Variants in PPP2R5C observed in about 807,000 individuals in gnomAD.
PPP2R5C encodes protein phosphatase 2 regulatory subunit B'gamma.
Under a neutral mutation model 68.9 loss-of-function variants are expected in PPP2R5C, and 7 were observed. That is an observed-to-expected ratio of 0.10 (90% CI 0.06 to 0.19). The LOEUF is 0.19. Ranked by LOEUF, PPP2R5C falls within the 10% of genes least tolerant of loss-of-function variation. The probability of loss-of-function intolerance (pLI) is 1.00; values close to 1 mark genes in which losing one functional copy is unlikely to be tolerated. For synonymous variants in PPP2R5C, 210 were observed against 222.2 expected (o/e 0.95, Z 0.49); for missense variants, 348 against 641.3 (o/e 0.54, Z 4.94).
intron 13 of PPP2R5C, chr14:101,921,862 A>T: frequency 1.7e-6 from 1 of 579,102 alleles, no homozygotes; most frequent in Non-Finnish European, 2.2e-6. Context: ...TCCTTTATTT[A>T]CATTTCCTTC....
chr14:101,780,958 G>A (rs552372034), intron 2 of PPP2R5C, among the ~76,000 whole-genome samples: 1 of 152,244 alleles, frequency 6.6e-6, no homozygotes, highest in South Asian at 2.1e-4. Context: ...GATTTCAGGC[G>A]CTCACCCCAC....
chr14:101,819,254 G>T (rs2039902618), intron 1 of PPP2R5C: 2 of 614,130 alleles, frequency 3.3e-6, no homozygotes, highest in Non-Finnish European at 2.8e-6. Context: ...GAACTCTGAA[G>T]CCTTTGCATG....
chr14:101,851,849 G>A (rs1274716740), intron 1 of PPP2R5C, among the ~76,000 whole-genome samples: 1 of 151,768 alleles, frequency 6.6e-6, no homozygotes, highest in Non-Finnish European at 1.5e-5. Flanking sequence ...CAGTTTACAT[G>A]ATGCCTCTTG....
At chr14:101,924,401 T>C (rs1332898748) in intron 13 of PPP2R5C, among the ~76,000 whole-genome samples, 3 of 150,358 alleles carry the variant, frequency 2.0e-5, no homozygotes, top group African/African-American at 7.4e-5. Context: ...TTAAATATGT[T>C]TTTTATTCAT....
chr14:101,774,372 C>T (rs1276797232), intron 2 of PPP2R5C, among the ~76,000 whole-genome samples: 1 of 152,148 alleles, frequency 6.6e-6, no homozygotes, highest in Non-Finnish European at 1.5e-5. Flanking sequence ...TTTTTCTTGT[C>T]ATAACCACTC....
chr14:101,900,345 G>T (rs1373489322), intron 8 of PPP2R5C, among the ~76,000 whole-genome samples: 1 of 152,194 alleles, frequency 6.6e-6, no homozygotes, highest in Non-Finnish European at 1.5e-5. Flanking sequence ...TAAAAGGCTG[G>T]CCTGCTAAGC....
At chr14:101,889,958 G>T (rs1330286806) in intron 5 of PPP2R5C, 1 of 547,118 alleles carries the variant, frequency 1.8e-6, no homozygotes, top group South Asian at 1.5e-5. Context: ...GGTGTTCACT[G>T]TAGAATTCTT....
intron 2 of PPP2R5C, among the ~76,000 whole-genome samples, chr14:101,770,581 G>A (rs1382214921): frequency 2.0e-5 from 3 of 152,206 alleles, no homozygotes; most frequent in Non-Finnish European, 4.4e-5. Context: ...GTTCCAGAAA[G>A]CACATTGGAC....
exon 3 of PPP2R5C, chr14:101,786,083 A>T (rs1248804333): frequency 1.3e-6 from 2 of 1,561,774 alleles, no homozygotes; most frequent in East Asian, 4.7e-5. Flanking sequence ...AAATAAAAGT[A>T]CCAGTCTCTC....
intron 1 of PPP2R5C, chr14:101,823,743 C>G (rs2040227989): frequency 2.9e-6 from 3 of 1,039,678 alleles, no homozygotes; most frequent in Non-Finnish European, 3.5e-6. Context: ...TTTTCTGACT[C>G]ACGGTTCTGG....
chr14:101,918,430 CCCCG>C (rs2046809976), intron 13 of PPP2R5C, among the ~76,000 whole-genome samples: 1 of 95,338 alleles, frequency 1.0e-5, no homozygotes, highest in Non-Finnish European at 2.1e-5. Flanking sequence ...ACCCCCCTCG[CCCCG>C]TCCCCTTCCC....
At chr14:101,794,202 TC>T (rs1280055115) in intron 3 of PPP2R5C, among the ~76,000 whole-genome samples, 2 of 152,228 alleles carry the variant, frequency 1.3e-5, no homozygotes, top group Non-Finnish European at 2.9e-5. Flanking sequence ...TGCTTCCTGT[TC>T]CTATCACTTT....
intron 1 of PPP2R5C, among the ~76,000 whole-genome samples, chr14:101,838,607 G>A: frequency 6.6e-6 from 1 of 152,210 alleles, no homozygotes; most frequent in East Asian, 1.9e-4. Flanking sequence ...CTCGCCCCAG[G>A]AGGCTGTGAA....
intron 3 of PPP2R5C, among the ~76,000 whole-genome samples, chr14:101,793,871 C>G (rs920029670): frequency 6.6e-6 from 1 of 152,110 alleles, no homozygotes; most frequent in African/African-American, 2.4e-5. Flanking sequence ...GTAATCTTCC[C>G]CTGAAGTCTG....
upstream of PPP2R5C, chr14:101,761,843 G>T (rs1167150673): frequency 2.0e-5 from 20 of 1,025,424 alleles, no homozygotes; most frequent in Non-Finnish European, 2.4e-5. Flanking sequence ...CTGCTGCTGC[G>T]GGGGCAGGCG....
At chr14:101,806,740 A>T (rs541560221), upstream of PPP2R5C, among the ~76,000 whole-genome samples, 5 of 152,284 alleles carry the variant, frequency 3.3e-5, no homozygotes, top group Non-Finnish European at 5.9e-5. Context: ...CTGGAGGATC[A>T]CTTGAGCCCA....
chr14:101,849,794 C>T (rs769711473), intron 1 of PPP2R5C, among the ~76,000 whole-genome samples: 4 of 147,318 alleles, frequency 2.7e-5, no homozygotes, highest in Non-Finnish European at 6.0e-5. Context: ...GACTTTTCCT[C>T]ACTCCTCTGC....
In PPP2R5C at chr14:101,906,800, G is replaced by A. The variant is rs1001042531; in HGVS notation, c.1151+271G>A. On this transcript the variant is annotated intron_variant, in intron 10 of 13. Coordinates refer to ENST00000334743, the Ensembl canonical transcript of PPP2R5C. The surrounding 1 kb of genome is among the most constrained non-coding windows in gnomAD (Gnocchi z 4.0). The stretch of plus-strand genomic sequence containing the variant: ...GCAGTTTCTAGGCCTCTTCCTGAGC[G>A]TCCTGCAGAGAAGCTGAAGGTCTCT... Among the ~76,000 whole-genome samples, 15 of 152,134 alleles carry A rather than the reference G, an allele frequency of 9.9e-5. No homozygotes were observed. Among genetic ancestry groups the A allele is most frequent in the Non-Finnish European group, 1.3e-4 (9 of 68,024 alleles).
chr14:101,837,205 G>A (rs1239476821), intron 1 of PPP2R5C, among the ~76,000 whole-genome samples: 3 of 152,160 alleles, frequency 2.0e-5, no homozygotes, highest in Non-Finnish European at 2.9e-5. Flanking sequence ...GTGCAGTGGT[G>A]CGATCTCGGC....
Sources: gnomAD v4.1 joint callset for allele counts (sites outside exome capture counted in the v4.1 genomes callset) on GRCh38, gnomAD v4.1.1 for gene constraint, Gnocchi (gnomAD v3.1) non-coding constraint, MANE v1.5 for transcripts, NCBI Gene and HGNC (gene_info 2026-07-23, HGNC 2026-07-21) for gene names.